ADAMTS3: variants seen among roughly 807,000 people sequenced by gnomAD.
ADAMTS3 encodes the protein A disintegrin and metalloproteinase with thrombospondin motifs 3.
Under a neutral mutation model 129.0 loss-of-function variants are expected in ADAMTS3, and 73 were observed. The ratio of observed to expected loss-of-function variants is 0.57; its 90% CI spans 0.47 to 0.69. ADAMTS3 has a LOEUF of 0.69. ADAMTS3 is among the 30% of genes least tolerant of loss of function. The pLI is 0.00. For synonymous variants in ADAMTS3, 477 were observed against 510.8 expected, an observed-to-expected ratio of 0.93 and a Z score of 0.89; for missense variants, 1,457 against 1,514.5, an observed-to-expected ratio of 0.96 and a Z score of 0.63.
intron 3 of ADAMTS3, among the ~76,000 whole-genome samples, chr4:72,516,948 A>G: frequency 6.6e-6 from 1 of 152,142 alleles, no homozygotes; most frequent in East Asian, 1.9e-4. Context: ...GTTTTTGCCC[A>G]TTCAGTATGA....
chr4:72,472,213 G>A (rs577791965), intron 3 of ADAMTS3, among the ~76,000 whole-genome samples: 10 of 151,896 alleles, frequency 6.6e-5, no homozygotes, highest in African/African-American at 1.9e-4. Flanking sequence ...CCACTACATC[G>A]CTTATATTTG....
At chr4:72,476,744 A>G (rs1719245474) in intron 3 of ADAMTS3, among the ~76,000 whole-genome samples, 1 of 152,136 alleles carries the variant, frequency 6.6e-6, no homozygotes, top group African/African-American at 2.4e-5. Flanking sequence ...GCAAAAAATC[A>G]TTAACAAAAT....
At chr4:72,435,492 A>G (rs1219596477) in intron 3 of ADAMTS3, among the ~76,000 whole-genome samples, 2 of 151,940 alleles carry the variant, frequency 1.3e-5, no homozygotes, top group Non-Finnish European at 2.9e-5. Flanking sequence ...TTGAAAAAAT[A>G]ATAAATTTCT....
intron 3 of ADAMTS3, among the ~76,000 whole-genome samples, chr4:72,501,098 C>T (rs1276113206): frequency 2.0e-5 from 3 of 151,848 alleles, no homozygotes; most frequent in Non-Finnish European, 4.4e-5. Context: ...CTATTTGAGC[C>T]TTTTTTTGTT....
At chr4:72,457,656 AT>A (rs1426208110) in intron 3 of ADAMTS3, among the ~76,000 whole-genome samples, 1 of 151,618 alleles carries the variant, frequency 6.6e-6, no homozygotes, top group Admixed American at 6.6e-5. Flanking sequence ...CGATTATTCC[AT>A]TTTATCCTGA....
chr4:72,445,178 G>T (rs1339620825), intron 3 of ADAMTS3, among the ~76,000 whole-genome samples: 2 of 151,678 alleles, frequency 1.3e-5, no homozygotes, highest in African/African-American at 2.4e-5. Context: ...TTTTAAATAG[G>T]TGAATTGTAT....
chr4:72,295,661 G>A lies in ADAMTS3; in HGVS notation c.2716C>T (p.His906Tyr), dbSNP rs1718786075. Residue 906 changes from histidine (H) to tyrosine (Y), a missense_variant, in exon 19 of 22, where the codon CAT becomes TAT. His to Tyr is a moderately conservative substitution (Grantham distance 83, BLOSUM62 2). Coordinates refer to ENST00000286657, the MANE Select transcript of ADAMTS3 (RefSeq NM_014243.3). ...RRMCNIQECT[H>Y]PLWVAEEWEH... The stretch of plus-strand genomic sequence containing the variant: ...GTTAAAATAGATGCTTACAGTGGAT[G>A]TGTACACTCTTGAATATTGCACATT... The A allele has an allele frequency of 6.2e-7, 1 of 1,611,570 alleles. No individual in the cohort carries two copies. Among genetic ancestry groups the A allele is most frequent in the Admixed American group, 1.7e-5 (1 of 59,816 alleles).
At chr4:72,529,787 ATAATT>A (rs1720920216) in intron 3 of ADAMTS3, among the ~76,000 whole-genome samples, 1 of 99,006 alleles carries the variant, frequency 1.0e-5, no homozygotes, top group African/African-American at 4.0e-5. Flanking sequence ...AATATATGAT[ATAATT>A]TAATATAATA....
At chr4:72,555,948 C>T (rs1228465163) in intron 2 of ADAMTS3, among the ~76,000 whole-genome samples, 2 of 151,614 alleles carry the variant, frequency 1.3e-5, no homozygotes, top group Non-Finnish European at 2.9e-5. Flanking sequence ...TCCTGAGGTC[C>T]CCCCTGTCAT....
At chr4:72,283,734 A>T (rs1718422824) in intron 21 of ADAMTS3, 30 bp from the exon 22 acceptor site, 1 of 1,501,794 alleles carries the variant, frequency 6.7e-7, no homozygotes, top group Admixed American at 2.1e-5. Context: ...ATAAACTAAC[A>T]CTAGCATCTA....
intron 2 of ADAMTS3, among the ~76,000 whole-genome samples, chr4:72,560,600 C>T (rs2109804969): frequency 6.6e-6 from 1 of 152,304 alleles, no homozygotes; most frequent in African/African-American, 2.4e-5. Flanking sequence ...AAACCAAGCA[C>T]CACATGTTCT....
chr4:72,559,657 C>T (rs1314810674), intron 2 of ADAMTS3, among the ~76,000 whole-genome samples: 1 of 151,616 alleles, frequency 6.6e-6, no homozygotes, highest in Non-Finnish European at 1.5e-5. Context: ...AAAGAAACAG[C>T]ACAAGTCAAA....
At chr4:72,530,226 ATT>A (rs1491282017) in intron 3 of ADAMTS3, among the ~76,000 whole-genome samples, 3 of 70,376 alleles carry the variant, frequency 4.3e-5, no homozygotes, top group Admixed American at 2.7e-4. Context: ...ATATATATAT[ATT>A]ATATATATTA....
At chr4:72,311,266 G>T in intron 13 of ADAMTS3, 85 bp from the exon 14 acceptor site, 1 of 1,194,956 alleles carries the variant, frequency 8.4e-7, no homozygotes. Context: ...TAAATATAAG[G>T]TTTCACTGTG....
At chr4:72,547,303 T>C (rs537031753) in intron 3 of ADAMTS3, among the ~76,000 whole-genome samples, 1 of 152,172 alleles carries the variant, frequency 6.6e-6, no homozygotes, top group Admixed American at 6.5e-5. Flanking sequence ...GGGTCAATGC[T>C]AGACAGAAAA....
In ADAMTS3 at chr4:72,557,791, T is replaced by A. The variant is rs948312090; in HGVS notation, c.98-8907A>T. On this transcript the variant is annotated intron_variant, in intron 2 of 21. Transcript: ENST00000286657. ...AGAAAAAGCATGCTTTGAAGAAAAA[T>A]ATCCAAGCATTTTATTTGCTACATC... Among the ~76,000 whole-genome samples the A allele has an allele frequency of 3.3e-5, 5 of 151,622 alleles. 1 individual carries two copies. The highest frequency in any genetic ancestry group is 1.2e-4 in the African/African-American group (5 of 41,038).
intron 6 of ADAMTS3, among the ~76,000 whole-genome samples, chr4:72,321,216 G>A (rs975910461): frequency 1.3e-5 from 2 of 152,090 alleles, no homozygotes; most frequent in South Asian, 2.1e-4. Flanking sequence ...CTCTCACCCA[G>A]GCTGAAGTGC....
intron 4 of ADAMTS3, among the ~76,000 whole-genome samples, chr4:72,410,906 TTA>T (rs952308304): frequency 2.6e-5 from 4 of 152,096 alleles, no homozygotes; most frequent in South Asian, 2.1e-4. Flanking sequence ...CATGCCAAGT[TTA>T]TGTTTTTTGT....
At chr4:72,554,253 T>C (rs554776963) in intron 2 of ADAMTS3, among the ~76,000 whole-genome samples, 2 of 152,358 alleles carry the variant, frequency 1.3e-5, no homozygotes, top group South Asian at 4.1e-4. Flanking sequence ...ATGTTCTTTA[T>C]TTCAATATAC....
Sources: gnomAD v4.1 joint callset for allele counts (sites outside exome capture counted in the v4.1 genomes callset) on GRCh38, gnomAD v4.1.1 for gene constraint, MANE v1.5 for transcripts, NCBI Gene and HGNC (gene_info 2026-07-23, HGNC 2026-07-21) for gene names.